CDK14: variants seen among roughly 807,000 people sequenced by gnomAD.
The protein encoded by CDK14 is cyclin dependent kinase 14.
CDK14 carries 34 observed loss-of-function variants against 60.7 expected under a neutral mutation model. The observed-to-expected ratio is 0.56, with a 90% CI of 0.43 to 0.75. CDK14 has a LOEUF of 0.75. CDK14 is among the 30% of genes least tolerant of loss of function. CDK14 has a pLI of 0.00. For missense variants in CDK14, 482 were observed against 564.1 expected (o/e 0.85, Z 1.47); for synonymous variants, 197 against 203.7 (o/e 0.97, Z 0.28).
intron 5 of CDK14, among the ~76,000 whole-genome samples, chr7:90,832,671 G>A (rs969405501): frequency 6.6e-6 from 1 of 152,180 alleles, no homozygotes; most frequent in Non-Finnish European, 1.5e-5. Flanking sequence ...TCATTGATAA[G>A]TCTTGTGGTT....
chr7:90,705,010 A>G (rs1172342313), intron 2 of CDK14, among the ~76,000 whole-genome samples: 1 of 152,112 alleles, frequency 6.6e-6, no homozygotes, highest in Non-Finnish European at 1.5e-5. Context: ...ACAACATAAA[A>G]TAGATTACTA....
intron 14 of CDK14, among the ~76,000 whole-genome samples, chr7:91,197,923 G>A (rs1802597409): frequency 1.3e-5 from 2 of 152,226 alleles, no homozygotes. Context: ...TTCCACGGAT[G>A]AATTCAGTGA....
chr7:91,024,442 A>G (rs1257017463), intron 10 of CDK14, among the ~76,000 whole-genome samples: 1 of 152,178 alleles, frequency 6.6e-6, no homozygotes, highest in Non-Finnish European at 1.5e-5. Context: ...CATCGAGGCC[A>G]GGAGTTCAAG....
intron 2 of CDK14, among the ~76,000 whole-genome samples, chr7:90,680,068 T>C (rs558816858): frequency 1.3e-5 from 2 of 149,868 alleles, no homozygotes; most frequent in African/African-American, 4.9e-5. Context: ...AATTTTTGTT[T>C]ATATATATGT....
At chr7:91,148,189 G>A (rs1016808459) in intron 14 of CDK14, among the ~76,000 whole-genome samples, 8 of 152,190 alleles carry the variant, frequency 5.3e-5, no homozygotes, top group African/African-American at 1.9e-4. Flanking sequence ...ACCAGCTTGG[G>A]CAAGTTAGAG....
chr7:91,037,915 G>A (rs1030919592), intron 10 of CDK14, among the ~76,000 whole-genome samples: 1 of 152,120 alleles, frequency 6.6e-6, no homozygotes, highest in Non-Finnish European at 1.5e-5. Flanking sequence ...TAGGATTAAG[G>A]TACTTTCACA....
chr7:91,061,964 C>T (rs534203019), intron 11 of CDK14, among the ~76,000 whole-genome samples: 5 of 152,340 alleles, frequency 3.3e-5, no homozygotes, highest in African/African-American at 1.2e-4. Flanking sequence ...GAGGTTTCTG[C>T]TGCCTTTTGT....
chr7:90,714,252 C>T (rs1262977815), intron 2 of CDK14, among the ~76,000 whole-genome samples: 1 of 152,016 alleles, frequency 6.6e-6, no homozygotes, highest in Non-Finnish European at 1.5e-5. Context: ...CACATTTGCC[C>T]CAGCAGCTTA....
intron 5 of CDK14, among the ~76,000 whole-genome samples, chr7:90,851,246 A>G (rs1326248244): frequency 6.6e-6 from 1 of 152,156 alleles, no homozygotes; most frequent in African/African-American, 2.4e-5. Flanking sequence ...CCTGAGTTTT[A>G]CAATTCTGTG....
At chr7:90,709,376 A>G in intron 2 of CDK14, 3 of 1,368,026 alleles carry the variant, frequency 2.2e-6, no homozygotes, top group Non-Finnish European at 2.8e-6. Context: ...CTCTTAAAAA[A>G]TTGAATTGAG....
intron 5 of CDK14, among the ~76,000 whole-genome samples, chr7:90,809,939 A>G (rs1562780557): frequency 6.6e-6 from 1 of 152,242 alleles, no homozygotes; most frequent in African/African-American, 2.4e-5. Flanking sequence ...GAATCTCTGA[A>G]TAGACCAATA....
intron 10 of CDK14, among the ~76,000 whole-genome samples, chr7:91,038,521 G>A (rs1031329439): frequency 1.2e-4 from 18 of 152,194 alleles, no homozygotes; most frequent in African/African-American, 4.3e-4. Flanking sequence ...GGTATATTAT[G>A]GTGATTGTGC....
intron 2 of CDK14, among the ~76,000 whole-genome samples, chr7:90,646,394 T>G (rs1446115826): frequency 6.6e-6 from 1 of 152,040 alleles, no homozygotes; most frequent in African/African-American, 2.4e-5. Context: ...CTGGTTCCTT[T>G]GATGGACTGC....
At chr7:90,642,753 C>CTAT (rs1800368876) in intron 2 of CDK14, among the ~76,000 whole-genome samples, 1 of 152,006 alleles carries the variant, frequency 6.6e-6, no homozygotes, top group Non-Finnish European at 1.5e-5. Flanking sequence ...CAATTTTTCT[C>CTAT]ATTTACATTT....
chr7:90,853,765 G>A (rs1341481273), intron 5 of CDK14, among the ~76,000 whole-genome samples: 2 of 152,084 alleles, frequency 1.3e-5, no homozygotes, highest in Admixed American at 6.6e-5. Context: ...GGTGATTCGT[G>A]GGTTCCATCC....
chr7:90,955,910 TA>T, intron 9 of CDK14, 93 bp downstream of exon 9: 1 of 1,461,438 alleles, frequency 6.8e-7, no homozygotes, highest in Non-Finnish European at 9.4e-7. Context: ...GAATGAAGAT[TA>T]ATGGTGCAGG....
At chr7:90,952,339 T>C (rs555503149) in intron 8 of CDK14, among the ~76,000 whole-genome samples, 1 of 152,164 alleles carries the variant, frequency 6.6e-6, no homozygotes, top group Non-Finnish European at 1.5e-5. Flanking sequence ...AACCATCTTA[T>C]AGAGATGTGA....
At chr7:91,191,265 C>T (rs190662863) in intron 14 of CDK14, among the ~76,000 whole-genome samples, 6 of 152,234 alleles carry the variant, frequency 3.9e-5, no homozygotes. Flanking sequence ...CAGCTTCATA[C>T]ACCACTGAAA....
intron 2 of CDK14, among the ~76,000 whole-genome samples, chr7:90,647,600 AT>A (rs992182931): frequency 1.3e-5 from 2 of 152,100 alleles, no homozygotes; most frequent in African/African-American, 4.8e-5. Flanking sequence ...TGGGCAACTA[AT>A]TCCTCTTTTG....
Sources: gnomAD v4.1 joint callset for allele counts (sites outside exome capture counted in the v4.1 genomes callset) on GRCh38, gnomAD v4.1.1 for gene constraint, MANE v1.5 for transcripts, NCBI Gene and HGNC (gene_info 2026-07-23, HGNC 2026-07-21) for gene names.